The following DNAH14 variants were observed in gnomAD, a reference collection of about 807,000 sequenced individuals.
The protein encoded by DNAH14 is axonemal beta dynein heavy chain 14.
A neutral mutation model predicts 520.9 loss-of-function variants in DNAH14; 478 were observed. The ratio of observed to expected loss-of-function variants is 0.92; its 90% confidence interval spans 0.85 to 0.99. DNAH14 has a LOEUF of 0.99. DNAH14 is among the 50% of genes least tolerant of loss of function. DNAH14 has a pLI of 0.00. For synonymous variants in DNAH14, 1,581 were observed against 1,757.2 expected (o/e 0.90, Z 2.51); for missense variants, 4,831 against 5,234.5 (o/e 0.92, Z 2.38).
At chr1:225,165,056 A>G (rs2081916680) in intron 35 of DNAH14, among the ~76,000 whole-genome samples, 1 of 152,092 alleles carries the variant, frequency 6.6e-6, no homozygotes, top group Non-Finnish European at 1.5e-5. Context: ...ACCTTCTGAG[A>G]ACTTTAATAT....
chr1:225,142,583 G>A (rs2079553185), intron 28 of DNAH14, among the ~76,000 whole-genome samples: 1 of 152,138 alleles, frequency 6.6e-6, no homozygotes, highest in South Asian at 2.1e-4. Flanking sequence ...CCAAGGTTTG[G>A]TAAGTGGTGC....
chr1:224,996,640 C>A (rs545031455), intron 8 of DNAH14, among the ~76,000 whole-genome samples: 1 of 152,154 alleles, frequency 6.6e-6, no homozygotes, highest in African/African-American at 2.4e-5. Flanking sequence ...TGGTGAGACC[C>A]CGACTGAGCT....
At chr1:225,114,020 C>T (rs1368451409) in intron 23 of DNAH14, among the ~76,000 whole-genome samples, 1 of 152,202 alleles carries the variant, frequency 6.6e-6, no homozygotes, top group Admixed American at 6.5e-5. Flanking sequence ...GTCCACTTTA[C>T]ACTTTACACT....
At chr1:224,978,273 C>T (rs1388563245) in intron 8 of DNAH14, among the ~76,000 whole-genome samples, 1 of 152,092 alleles carries the variant, frequency 6.6e-6, no homozygotes, top group African/African-American at 2.4e-5. Context: ...AGTCCATCAA[C>T]AGATGAATGA....
intron 44 of DNAH14, among the ~76,000 whole-genome samples, chr1:225,257,596 C>T (rs982629892): frequency 2.0e-5 from 3 of 149,678 alleles, no homozygotes; most frequent in Non-Finnish European, 3.0e-5. Context: ...AGTGCAGTGG[C>T]GCAATCTCGG....
intron 83 of DNAH14, 62 bp from the exon 84 acceptor site, chr1:225,392,229 T>C (rs1558617575): frequency 6.6e-7 from 1 of 1,525,560 alleles, no homozygotes; most frequent in Non-Finnish European, 8.8e-7. Flanking sequence ...TCATTGTTGC[T>C]AACCCCAGCA....
intron 39 of DNAH14, among the ~76,000 whole-genome samples, chr1:225,205,336 C>A (rs1368098608): frequency 6.6e-6 from 1 of 152,158 alleles, no homozygotes; most frequent in East Asian, 1.9e-4. Context: ...CCCCTTCCAC[C>A]ATGTGAGGAC....
intron 60 of DNAH14, among the ~76,000 whole-genome samples, chr1:225,311,856 T>C (rs986595451): frequency 1.3e-5 from 2 of 152,202 alleles, no homozygotes; most frequent in Admixed American, 6.5e-5. Context: ...AGCCTTGTAG[T>C]ATACTTTGAA....
intron 26 of DNAH14, among the ~76,000 whole-genome samples, chr1:225,122,950 A>G (rs950341464): frequency 6.6e-6 from 1 of 152,180 alleles, no homozygotes; most frequent in South Asian, 2.1e-4. Flanking sequence ...TTTCTAAGAG[A>G]TATAGTATCA....
chr1:225,323,115 A>G (rs1264383596), intron 62 of DNAH14, among the ~76,000 whole-genome samples: 1 of 152,198 alleles, frequency 6.6e-6, no homozygotes, highest in Admixed American at 6.5e-5. Context: ...TGGGCATGTG[A>G]CACAGCTAAG....
chr1:225,185,985 T>C (rs916207058), intron 37 of DNAH14, among the ~76,000 whole-genome samples: 7 of 107,054 alleles, frequency 6.5e-5, no homozygotes, highest in African/African-American at 2.4e-4. Context: ...TTTATTAAAT[T>C]ATTTTCAGCA....
At chr1:225,358,956 G>A (rs73136948) in intron 74 of DNAH14, among the ~76,000 whole-genome samples, 7,523 of 152,236 alleles carry the variant, frequency 0.049, 599 homozygotes, top group African/African-American at 0.17. Flanking sequence ...GTTTCCTAAA[G>A]TTTGTAAAGA....
chr1:225,201,079 C>T (rs1163104727), intron 38 of DNAH14, among the ~76,000 whole-genome samples: 1 of 151,616 alleles, frequency 6.6e-6, no homozygotes, highest in East Asian at 1.9e-4. Context: ...ATTATTTTGT[C>T]TTTGTTGGAT....
chr1:225,347,630 G>A (rs1439507888), intron 71 of DNAH14, among the ~76,000 whole-genome samples: 1 of 152,178 alleles, frequency 6.6e-6, no homozygotes, highest in Non-Finnish European at 1.5e-5. Flanking sequence ...CATTAGACCT[G>A]CAGTTTCACA....
chr1:224,989,916 T>C (rs976887677), intron 8 of DNAH14, among the ~76,000 whole-genome samples: 2 of 152,112 alleles, frequency 1.3e-5, no homozygotes, highest in African/African-American at 4.8e-5. Context: ...TAAATCCCTA[T>C]TGGTCATGAT....
intron 66 of DNAH14, among the ~76,000 whole-genome samples, chr1:225,335,847 A>G (rs2095003194): frequency 1.2e-5 from 1 of 85,708 alleles, no homozygotes; most frequent in African/African-American, 4.8e-5. Context: ...ATGTACATAC[A>G]CATATGTACA....
intron 8 of DNAH14, among the ~76,000 whole-genome samples, chr1:225,001,849 A>T (rs533813900): frequency 1.1e-4 from 17 of 152,216 alleles, no homozygotes; most frequent in African/African-American, 4.1e-4. Context: ...ACTTAGAGGG[A>T]TGTCATCAAA....
intron 36 of DNAH14, among the ~76,000 whole-genome samples, chr1:225,179,811 C>T (rs1270036308): frequency 6.6e-6 from 1 of 152,162 alleles, no homozygotes; most frequent in Non-Finnish European, 1.5e-5. Context: ...GGTGATGAAT[C>T]CCCTCAGCTG....
chr1:225,268,132 A>T (rs1165533611), intron 49 of DNAH14, among the ~76,000 whole-genome samples: 1 of 152,004 alleles, frequency 6.6e-6, no homozygotes, highest in Non-Finnish European at 1.5e-5. Context: ...CCTCAATAAC[A>T]TATTGCTTAT....
Sources: gnomAD v4.1 joint callset for allele counts (sites outside exome capture counted in the v4.1 genomes callset) on GRCh38, gnomAD v4.1.1 for gene constraint, MANE v1.5 for transcripts, NCBI Gene and HGNC (gene_info 2026-07-23, HGNC 2026-07-21) for gene names.